Variants in MACROD2 observed in about 807,000 individuals in gnomAD.
The protein encoded by MACROD2 is ADP-ribose glycohydrolase MACROD2.
In MACROD2, 36 loss-of-function variants were observed where a neutral mutation model predicts 70.4. The observed-to-expected ratio is 0.51, with a 90% CI of 0.39 to 0.68. MACROD2 has a LOEUF of 0.68. Ranked by LOEUF, MACROD2 falls within the 30% of genes least tolerant of loss-of-function variation. The probability of loss-of-function intolerance (pLI) is 0.00; values close to 1 mark genes in which losing one functional copy is unlikely to be tolerated. For missense variants in MACROD2, 496 were observed against 538.4 expected (o/e 0.92, Z 0.78); for synonymous variants, 172 against 178.8 (o/e 0.96, Z 0.30).
chr20:15,460,018 C>A (rs117112202), intron 7 of MACROD2, among the ~76,000 whole-genome samples: 2,438 of 152,192 alleles, frequency 0.016, 33 homozygotes, highest in South Asian at 0.024. Flanking sequence ...ACACTTCTAG[C>A]TACAGAGATT....
chr20:14,135,867 A>G (rs1344201495), intron 3 of MACROD2, among the ~76,000 whole-genome samples: 1 of 152,208 alleles, frequency 6.6e-6, no homozygotes, highest in East Asian at 1.9e-4. Context: ...GATATCTCTG[A>G]AAAACTTTCA....
intron 5 of MACROD2, among the ~76,000 whole-genome samples, chr20:15,148,566 G>A (rs1177819269): frequency 6.6e-6 from 1 of 152,048 alleles, no homozygotes; most frequent in Non-Finnish European, 1.5e-5. Context: ...TGTATGAGTA[G>A]TTGAGAATGG....
chr20:15,757,531 C>A (rs1009139622), intron 8 of MACROD2, among the ~76,000 whole-genome samples: 2 of 152,156 alleles, frequency 1.3e-5, no homozygotes, highest in Non-Finnish European at 2.9e-5. Flanking sequence ...CCAAAACTGA[C>A]CAATCTAATA....
intron 5 of MACROD2, chr20:14,895,644 A>C (rs2073818693): frequency 6.6e-6 from 1 of 152,120 alleles, no homozygotes; most frequent in Non-Finnish European, 1.5e-5. Context: ...AATGGGGAAA[A>C]GGTGGGGAGG....
chr20:15,739,975 A>G (rs1255358316), intron 8 of MACROD2, among the ~76,000 whole-genome samples: 1 of 152,230 alleles, frequency 6.6e-6, no homozygotes, highest in Non-Finnish European at 1.5e-5. Context: ...ATTAGTCAAG[A>G]TATGCAAACC....
chr20:14,268,589 C>G (rs1008378321), intron 3 of MACROD2, among the ~76,000 whole-genome samples: 1 of 151,956 alleles, frequency 6.6e-6, no homozygotes, highest in African/African-American at 2.4e-5. Context: ...ATAGGTTATG[C>G]TCTATAAACT....
At chr20:14,348,714 A>G (rs894465673) in intron 3 of MACROD2, among the ~76,000 whole-genome samples, 1 of 152,186 alleles carries the variant, frequency 6.6e-6, no homozygotes, top group African/African-American at 2.4e-5. Context: ...ATGAATATTT[A>G]TGACTTGGAA....
chr20:14,089,199 T>C (rs971680917), intron 3 of MACROD2, among the ~76,000 whole-genome samples: 1 of 152,212 alleles, frequency 6.6e-6, no homozygotes. Context: ...AAGGATAGTC[T>C]CATCAGGAAG....
intron 3 of MACROD2, among the ~76,000 whole-genome samples, chr20:14,409,329 A>C (rs2083724630): frequency 6.6e-6 from 1 of 151,876 alleles, no homozygotes; most frequent in Non-Finnish European, 1.5e-5. Flanking sequence ...TGTACTTCTC[A>C]ATGCTCAGTA....
chr20:15,927,578 G>A (rs1037593488), intron 10 of MACROD2, among the ~76,000 whole-genome samples: 5 of 152,102 alleles, frequency 3.3e-5, no homozygotes, highest in African/African-American at 1.2e-4. Flanking sequence ...ATGTGTGTGA[G>A]GTGTGTGAGC....
chr20:16,013,785 A>T (rs2066895136), intron 15 of MACROD2, among the ~76,000 whole-genome samples: 1 of 152,240 alleles, frequency 6.6e-6, no homozygotes, highest in Non-Finnish European at 1.5e-5. Context: ...CACCTCGCAG[A>T]TTCCTCTGAC....
chr20:15,976,661 C>T (rs182914606), intron 13 of MACROD2, among the ~76,000 whole-genome samples: 158 of 152,282 alleles, frequency 1.0e-3, no homozygotes, highest in Admixed American at 3.0e-3. Flanking sequence ...TTGTGCAATA[C>T]GCCAAAGCCT....
At chr20:14,702,750 G>A (rs918375275) in intron 5 of MACROD2, among the ~76,000 whole-genome samples, 1 of 145,654 alleles carries the variant, frequency 6.9e-6, no homozygotes, top group Non-Finnish European at 1.5e-5. Context: ...TTTTTGAGAC[G>A]GAGTTTTTCT....
intron 10 of MACROD2, among the ~76,000 whole-genome samples, chr20:15,928,582 G>A (rs185983898): frequency 6.6e-6 from 1 of 152,192 alleles, no homozygotes; most frequent in African/African-American, 2.4e-5. Context: ...ATCTTAACAC[G>A]CCTGTGTCTC....
intron 8 of MACROD2, among the ~76,000 whole-genome samples, chr20:15,537,475 T>C (rs2047892784): frequency 2.1e-5 from 3 of 145,044 alleles, no homozygotes; most frequent in Admixed American, 2.0e-4. Context: ...ATCTTTTTTT[T>C]TTTTTTTTTT....
At chr20:14,402,284 G>T (rs1451608547) in intron 3 of MACROD2, among the ~76,000 whole-genome samples, 5 of 152,062 alleles carry the variant, frequency 3.3e-5, no homozygotes, top group Non-Finnish European at 5.9e-5. Flanking sequence ...ATTTTTAGTT[G>T]CTTTGAAAAT....
intron 4 of MACROD2, among the ~76,000 whole-genome samples, chr20:14,613,241 GA>G (rs1983279862): frequency 6.6e-6 from 1 of 152,066 alleles, no homozygotes; most frequent in African/African-American, 2.4e-5. Context: ...ATGTATATGA[GA>G]AATACACATA....
chr20:14,314,791 AATAAAAT>A (rs1171622615), intron 3 of MACROD2, among the ~76,000 whole-genome samples: 2 of 151,554 alleles, frequency 1.3e-5, no homozygotes, highest in African/African-American at 4.8e-5. Context: ...TAAATAAATA[AATAAAAT>A]TTTTTAGGCA....
intron 5 of MACROD2, among the ~76,000 whole-genome samples, chr20:15,041,020 A>G (rs1327663590): frequency 2.6e-5 from 4 of 152,170 alleles, no homozygotes; most frequent in African/African-American, 9.7e-5. Context: ...AATACTTGCA[A>G]TTCAACTAAT....
Sources: allele counts gnomAD v4.1 joint callset (sites outside exome capture counted in the v4.1 genomes callset), GRCh38; gene constraint gnomAD v4.1.1; transcripts MANE v1.5; gene names NCBI Gene and HGNC (gene_info 2026-07-23, HGNC 2026-07-21).